PRKD1: variants seen among roughly 807,000 people sequenced by gnomAD.
PRKD1 encodes protein kinase D1.
A neutral mutation model predicts 95.9 loss-of-function variants in PRKD1; 63 were observed. That is an observed-to-expected ratio of 0.66 (90% CI 0.54 to 0.81). The LOEUF is 0.81. PRKD1 is among the 30% of genes least tolerant of loss of function. The pLI, the probability that PRKD1 is intolerant of heterozygous loss-of-function variation, is 0.00. For missense variants in PRKD1, 1,048 were observed against 1,165.3 expected (o/e 0.90, Z 1.47); for synonymous variants, 425 against 423.1 (o/e 1.00, Z -0.05).
intron 13 of PRKD1, among the ~76,000 whole-genome samples, chr14:29,605,248 T>C (rs989468507): frequency 6.6e-6 from 1 of 152,190 alleles, no homozygotes; most frequent in Non-Finnish European, 1.5e-5. Flanking sequence ...GCTACCATCT[T>C]GCTTCAAGCC....
chr14:29,631,354 C>T (rs1474262532), intron 9 of PRKD1, among the ~76,000 whole-genome samples: 2 of 152,110 alleles, frequency 1.3e-5, no homozygotes, highest in Admixed American at 6.6e-5. Flanking sequence ...GAGGTAGAAT[C>T]ACAACACTTT....
intron 2 of PRKD1, among the ~76,000 whole-genome samples, chr14:29,679,904 G>A (rs1883441886): frequency 1.3e-5 from 2 of 151,766 alleles, no homozygotes. Context: ...ATTTTTGTAT[G>A]GAAGGTACAA....
intron 4 of PRKD1, among the ~76,000 whole-genome samples, chr14:29,652,204 G>T (rs1158657067): frequency 6.6e-6 from 1 of 152,178 alleles, no homozygotes; most frequent in Non-Finnish European, 1.5e-5. Flanking sequence ...TCTGTTTTGT[G>T]TCTTGTCAGG....
chr14:29,722,950 G>C (rs1341024862), intron 2 of PRKD1, among the ~76,000 whole-genome samples: 1 of 152,120 alleles, frequency 6.6e-6, no homozygotes, highest in African/African-American at 2.4e-5. Context: ...AAAAGTCAGG[G>C]AACAGGAATG....
At chr14:29,814,458 T>C (rs1324117432) in intron 1 of PRKD1, among the ~76,000 whole-genome samples, 3 of 152,186 alleles carry the variant, frequency 2.0e-5, no homozygotes, top group African/African-American at 4.8e-5. Flanking sequence ...TCCAACAGTC[T>C]CAAGTTCTTA....
intron 2 of PRKD1, among the ~76,000 whole-genome samples, chr14:29,672,201 C>T (rs945730444): frequency 4.6e-5 from 7 of 151,738 alleles, no homozygotes; most frequent in South Asian, 4.2e-4. Flanking sequence ...ATTGGCCGGG[C>T]GTGGTGGTGG....
At chr14:29,842,863 G>A (rs1891912555) in intron 1 of PRKD1, among the ~76,000 whole-genome samples, 1 of 152,084 alleles carries the variant, frequency 6.6e-6, no homozygotes, top group East Asian at 1.9e-4. Flanking sequence ...TTAAATGTGG[G>A]GAGCGGGTAT....
chr14:29,843,530 G>C (rs753768413), intron 1 of PRKD1, among the ~76,000 whole-genome samples: 12 of 152,174 alleles, frequency 7.9e-5, no homozygotes, highest in Non-Finnish European at 7.3e-5. Flanking sequence ...TTCTTTTACA[G>C]AGTCTCTAAA....
At chr14:29,581,089 A>T (rs1270054965) in intron 16 of PRKD1, among the ~76,000 whole-genome samples, 1 of 151,956 alleles carries the variant, frequency 6.6e-6, no homozygotes, top group African/African-American at 2.4e-5. Flanking sequence ...CATTAGTCCT[A>T]TTTATGTTTT....
intron 1 of PRKD1, among the ~76,000 whole-genome samples, chr14:29,902,060 C>T (rs770882460): frequency 9.9e-5 from 15 of 152,100 alleles, no homozygotes; most frequent in Admixed American, 8.5e-4. Flanking sequence ...TCACAGGGCT[C>T]TAAGCATGTC....
chr14:29,619,012 A>T (rs1879064334), intron 13 of PRKD1, among the ~76,000 whole-genome samples: 1 of 152,232 alleles, frequency 6.6e-6, no homozygotes, highest in African/African-American at 2.4e-5. Context: ...GTTAGGCCCT[A>T]CTAGGGCACC....
chr14:29,716,844 G>A (rs1249602610), intron 2 of PRKD1, among the ~76,000 whole-genome samples: 3 of 152,104 alleles, frequency 2.0e-5, no homozygotes, highest in Non-Finnish European at 2.9e-5. Flanking sequence ...ATAGAAATTA[G>A]GAAAACAATT....
At chr14:29,578,387 A>C (rs1236369222) in intron 16 of PRKD1, 27 bp from the exon 17 acceptor site, 1 of 1,515,588 alleles carries the variant, frequency 6.6e-7, no homozygotes, top group South Asian at 1.2e-5. Flanking sequence ...GTAAAAATAG[A>C]TGACAAATCT....
At chr14:29,746,790 C>T (rs1887243721) in intron 1 of PRKD1, among the ~76,000 whole-genome samples, 2 of 152,064 alleles carry the variant, frequency 1.3e-5, no homozygotes, top group South Asian at 4.1e-4. Context: ...TATTTTGATA[C>T]CAACATTAGA....
In PRKD1 at chr14:29,577,297, T is replaced by A; in HGVS notation, c.2680A>T (p.Thr894Ser). The part of the protein sequence containing the change: ...LINPSASHSD[T>S]PETEETEMKA... ...ATTTCTGTTTCTTCAGTCTCAGGAG[T>A]GTCACTGTGGCTAGCACTTGGATTG... is the stretch of plus-strand genomic sequence containing the variant. The change falls in exon 18 of 18, where the codon ACT becomes TCT. Residue 894 changes from threonine (T) to serine (S), a missense_variant. Physicochemically the swap from Thr to Ser is moderately conservative, Grantham distance 58. Around this residue, in one of 3 missense-constraint regions of PRKD1, gnomAD observed 739 missense variants for 861.9 expected, o/e 0.86. Coordinates refer to ENST00000331968, the MANE Select transcript of PRKD1 (RefSeq NM_002742.3). 1.2e-6 allele frequency: 2 copies of A among 1,613,636 alleles called. No homozygotes were observed. The highest frequency in any genetic ancestry group is 1.7e-6 in the Non-Finnish European group (2 of 1,179,788).
At chr14:29,620,814 T>C (rs1229452243) in intron 13 of PRKD1, among the ~76,000 whole-genome samples, 2 of 152,026 alleles carry the variant, frequency 1.3e-5, no homozygotes, top group Non-Finnish European at 2.9e-5. Context: ...GACCCAGCCA[T>C]CCCATTACTG....
intron 1 of PRKD1, among the ~76,000 whole-genome samples, chr14:29,816,434 G>A (rs888988935): frequency 1.2e-4 from 19 of 152,110 alleles, no homozygotes; most frequent in Admixed American, 3.3e-4. Context: ...TGATTTCATT[G>A]TTTTTAAAAA....
chr14:29,664,681 A>T (rs1215589681), intron 3 of PRKD1, among the ~76,000 whole-genome samples: 1 of 152,216 alleles, frequency 6.6e-6, no homozygotes, highest in African/African-American at 2.4e-5. Context: ...TATTTGTCAA[A>T]GTTCAAAGAA....
intron 1 of PRKD1, among the ~76,000 whole-genome samples, chr14:29,849,496 A>G (rs1892214871): frequency 6.6e-6 from 1 of 152,126 alleles, no homozygotes; most frequent in Admixed American, 6.6e-5. Context: ...CTAAGATTGA[A>G]TCAGGAAGAA....
Sources: allele counts gnomAD v4.1 joint callset (sites outside exome capture counted in the v4.1 genomes callset), GRCh38; gene constraint gnomAD v4.1.1; regional missense constraint gnomAD v4.1.1; transcripts MANE v1.5; gene names NCBI Gene and HGNC (gene_info 2026-07-23, HGNC 2026-07-21).